The following ARAP2 variants were observed in gnomAD, a reference collection of about 807,000 sequenced individuals.
The protein encoded by ARAP2 is ArfGAP with RhoGAP domain, ankyrin repeat and PH domain 2.
A neutral mutation model predicts 194.5 loss-of-function variants in ARAP2; 148 were observed. That is an observed-to-expected ratio of 0.76 (90% CI 0.67 to 0.87). ARAP2 has a LOEUF of 0.87. ARAP2 is among the 40% of genes least tolerant of loss of function. The probability of loss-of-function intolerance (pLI) is 0.00; values close to 1 mark genes in which losing one functional copy is unlikely to be tolerated. For synonymous variants in ARAP2, 695 were observed against 683.5 expected, an observed-to-expected ratio of 1.02 and a Z score of -0.26; for missense variants, 2,128 against 1,989.7, an observed-to-expected ratio of 1.07 and a Z score of -1.32.
chr4:36,047,301 C>T (rs1475405417), intron 3 of ARAP2: 2 of 152,242 alleles, frequency 1.3e-5, no homozygotes, highest in African/African-American at 4.8e-5. Flanking sequence ...TATCTCCCAT[C>T]CAAGAGAGTG....
At chr4:36,049,929 T>C (rs1286759963) in intron 3 of ARAP2, among the ~76,000 whole-genome samples, 3 of 152,200 alleles carry the variant, frequency 2.0e-5, no homozygotes, top group Non-Finnish European at 4.4e-5. Context: ...ATAATCTTAA[T>C]GGAGAGAAGA....
intron 27 of ARAP2, among the ~76,000 whole-genome samples, chr4:36,094,293 T>G (rs1714585408): frequency 6.6e-6 from 1 of 152,300 alleles, no homozygotes; most frequent in Non-Finnish European, 1.5e-5. Context: ...AGCCTCACAT[T>G]ATGTACTATC....
chr4:36,015,064 T>C (rs1256555274), intron 8 of ARAP2, among the ~76,000 whole-genome samples: 1 of 152,198 alleles, frequency 6.6e-6, no homozygotes, highest in African/African-American at 2.4e-5. Context: ...GACATGATGT[T>C]ACTGAGTCAC....
Position 36,229,579 on chromosome 4 carries a change from T to A in ARAP2, c.-93A>T. The stretch of plus-strand genomic sequence containing the variant: ...TACTTCTCTACTGGCTTTTCCTCTA[T>A]CAATTGTGACAGAAAAGTTTCTTAA... On this transcript the variant is annotated 5_prime_UTR_variant, in exon 2 of 33. Coordinates refer to ENST00000303965, the MANE Select transcript of ARAP2 (RefSeq NM_015230.4). 2 of 986,074 alleles carry A rather than the reference T, an allele frequency of 2.0e-6. No homozygotes were observed. Among genetic ancestry groups the A allele is most frequent in the Admixed American group, 2.5e-5 (1 of 39,998 alleles). 61.1% of individuals were successfully genotyped at this position (986,074 alleles called of 1,614,324 possible).
At chr4:36,160,695 A>G in intron 12 of ARAP2, 54 bp from the exon 13 acceptor site, 1 of 1,288,666 alleles carries the variant, frequency 7.8e-7, no homozygotes, top group South Asian at 2.3e-5. Context: ...AATATATTTG[A>G]ATCTGCAGGA....
At chr4:36,108,431 A>G (rs1194733325) in intron 26 of ARAP2, among the ~76,000 whole-genome samples, 2 of 152,016 alleles carry the variant, frequency 1.3e-5, no homozygotes, top group Non-Finnish European at 2.9e-5. Flanking sequence ...CAAAATTATA[A>G]AATGTAACTT....
chr4:36,013,381 G>T (rs748567924), intron 8 of ARAP2, among the ~76,000 whole-genome samples: 3 of 152,172 alleles, frequency 2.0e-5, no homozygotes, highest in Non-Finnish European at 4.4e-5. Context: ...CTCCCTAGAA[G>T]AATCTACTAA....
intron 1 of ARAP2, among the ~76,000 whole-genome samples, chr4:36,231,316 C>CA (rs1397246576): frequency 6.6e-6 from 1 of 151,636 alleles, no homozygotes; most frequent in Non-Finnish European, 1.5e-5. Flanking sequence ...AGCCTGGAGA[C>CA]AGAGCGAGAC....
intron 19 of ARAP2, among the ~76,000 whole-genome samples, chr4:36,146,768 G>GT (rs1207381595): frequency 6.6e-6 from 1 of 151,914 alleles, no homozygotes; most frequent in Non-Finnish European, 1.5e-5. Context: ...TGCTTACACT[G>GT]TTTTCCCTAA....
intron 1 of ARAP2, among the ~76,000 whole-genome samples, chr4:36,241,071 G>C (rs924703593): frequency 6.6e-6 from 1 of 152,252 alleles, no homozygotes; most frequent in Middle Eastern, 3.4e-3. Flanking sequence ...TTCTAATGTA[G>C]AGAGATCCCT....
intron 15 of ARAP2, among the ~76,000 whole-genome samples, chr4:36,152,525 T>C (rs980553080): frequency 6.6e-6 from 1 of 152,178 alleles, no homozygotes; most frequent in Non-Finnish European, 1.5e-5. Flanking sequence ...AGATAATCAC[T>C]GGCATAGATT....
rs200077396 is a variant in ARAP2, at chr4:36,161,182, C to T, written c.2259+283G>A. Among the ~76,000 whole-genome samples, 5 of 123,732 alleles carry T rather than the reference C, an allele frequency of 4.0e-5. No individual in the cohort carries two copies. The highest frequency in any genetic ancestry group is 1.3e-4 in the African/African-American group (4 of 31,600). The allele number at this position is 123,732 out of a possible 152,430, so 81.2% of individuals were successfully genotyped here. A position where few individuals can be genotyped will look rare whatever the true frequency, so the allele number is the denominator to read the frequency against. On this transcript the variant is annotated intron_variant, in intron 12 of 32. Coordinates refer to ENST00000303965, the MANE Select transcript of ARAP2 (RefSeq NM_015230.4). ...ACACACACACACACACACACACACA[C>T]ACACACATATACAGTTCTAGCATTA...
At chr4:36,093,862 T>G (rs1049575742) in intron 27 of ARAP2, among the ~76,000 whole-genome samples, 8 of 152,176 alleles carry the variant, frequency 5.3e-5, no homozygotes, top group African/African-American at 1.9e-4. Context: ...AGTCAGAACA[T>G]AAGATATTTG....
chr4:36,200,036 G>C (rs1473214210), intron 6 of ARAP2, among the ~76,000 whole-genome samples: 1 of 151,666 alleles, frequency 6.6e-6, no homozygotes, highest in East Asian at 1.9e-4. Context: ...GTATGCATTT[G>C]ATACTCTCCT....
Position 36,121,190 on chromosome 4 carries a change from C to A in ARAP2, c.3883G>T (p.Glu1295Ter), listed in dbSNP as rs753347164. 4 of 1,591,002 alleles carry A rather than the reference C, an allele frequency of 2.5e-6. No individual in the cohort carries two copies. Among genetic ancestry groups the A allele is most frequent in the Non-Finnish European group, 3.4e-6 (4 of 1,167,036 alleles). The change falls in exon 23 of 33, where the codon GAA (glutamate) becomes TAA (stop). Residue 1295 changes from glutamate (E) to a stop codon, truncating the protein, a stop_gained. Coordinates refer to ENST00000303965, the MANE Select transcript of ARAP2 (RefSeq NM_015230.4). LOFTEE classifies it high-confidence loss of function. ...VIEDLINNYV[E>*]IFEVKEDQVK... is the part of the protein sequence containing the mutation. ...TACAAAATAATTACCTCAAATATTT[C>A]TACATAATTATTAATTAGGTCCTCA...
Position 36,067,928 on chromosome 4 carries a change from C to T in ARAP2, c.5094G>A (p.Gln1698=), listed in dbSNP as rs1316023771. Residue 1698 remains glutamine (Q), a synonymous_variant, in exon 33 of 33, where the codon CAG becomes CAA. Coordinates refer to ENST00000303965, the MANE Select transcript of ARAP2 (RefSeq NM_015230.4). ...QRSRTLPKEL[Q]DEQILK ...TTTCCTACTTCAAAATCTGCTCATC[C>T]TGTAATTCTTTTGGAAGGGTTCTTG... 2.5e-6 allele frequency: 4 copies of T among 1,585,636 alleles called. No homozygotes were observed. The highest frequency in any genetic ancestry group is 3.4e-6 in the Non-Finnish European group (4 of 1,164,108).
intron 1 of ARAP2, among the ~76,000 whole-genome samples, chr4:36,237,446 C>T (rs1316026742): frequency 6.6e-6 from 1 of 152,070 alleles, no homozygotes; most frequent in Non-Finnish European, 1.5e-5. Context: ...GAGGGGACCT[C>T]GCAGTGGGAA....
At position 36,229,924 on chromosome 4, in the gene ARAP2, A is replaced by T. The variant is rs146140648; in HGVS notation, c.-159-279T>A. On this transcript the variant is annotated intron_variant, in intron 1 of 32. Transcript: ENST00000303965. ...TGAACATATATCAAAAACTTTATTCAACTTATTCATTAAAAATGAGGGAAC... is the reference window on the plus strand; with the variant it reads ...TGAACATATATCAAAAACTTTATTCTACTTATTCATTAAAAATGAGGGAAC... Among the ~76,000 whole-genome samples, 111 of 152,354 alleles carry T rather than the reference A, an allele frequency of 7.3e-4. 1 individual carries two copies. The highest frequency in any genetic ancestry group is 2.5e-3 in the African/African-American group (103 of 41,588).
chr4:36,038,696 C>T (rs925237273), intron 5 of ARAP2, among the ~76,000 whole-genome samples: 6 of 152,126 alleles, frequency 3.9e-5, no homozygotes, highest in Non-Finnish European at 8.8e-5. Flanking sequence ...TGAGAAGCAA[C>T]ACCATAAGGA....
Sources: gnomAD v4.1 joint callset for allele counts (sites outside exome capture counted in the v4.1 genomes callset) on GRCh38, gnomAD v4.1.1 for gene constraint, MANE v1.5 for transcripts, NCBI Gene and HGNC (gene_info 2026-07-23, HGNC 2026-07-21) for gene names.